Variants in RBPMS observed in about 807,000 individuals in gnomAD.
RBPMS encodes RNA-binding protein with multiple splicing.
Under a neutral mutation model 26.8 loss-of-function variants are expected in RBPMS, and 7 were observed. That is an observed-to-expected ratio of 0.26 (90% CI 0.15 to 0.49). RBPMS has a LOEUF of 0.49. Among genes scored for constraint, RBPMS ranks in the 20% least tolerant of loss-of-function variants. RBPMS has a pLI of 0.98. For missense variants in RBPMS, 186 were observed against 250.0 expected (o/e 0.74, Z 1.73); for synonymous variants, 96 against 93.3 (o/e 1.03, Z -0.17).
intron 8 of RBPMS, among the ~76,000 whole-genome samples, chr8:30,569,780 G>A (rs1302906947): frequency 2.0e-5 from 3 of 152,224 alleles, no homozygotes; most frequent in Non-Finnish European, 4.4e-5. Flanking sequence ...GGACAGGCCA[G>A]GGGTGCACAG....
At chr8:30,513,235 A>C (rs761916586) in intron 5 of RBPMS, among the ~76,000 whole-genome samples, 1 of 152,144 alleles carries the variant, frequency 6.6e-6, no homozygotes, top group Non-Finnish European at 1.5e-5. Context: ...GTGGCATCAG[A>C]GCCACAGCAC....
intron 6 of RBPMS, chr8:30,549,560 G>A: frequency 3.1e-6 from 5 of 1,614,100 alleles, no homozygotes; most frequent in Non-Finnish European, 4.2e-6. Flanking sequence ...TCCTGATAGT[G>A]CCAGCCTGGC....
At chr8:30,426,135 G>A (rs1468042076) in intron 1 of RBPMS, among the ~76,000 whole-genome samples, 1 of 152,318 alleles carries the variant, frequency 6.6e-6, no homozygotes, top group African/African-American at 2.4e-5. Flanking sequence ...GCTGAAAGAT[G>A]TGAGGATTTT....
At chr8:30,432,432 A>G (rs1272084911) in intron 1 of RBPMS, among the ~76,000 whole-genome samples, 1 of 152,170 alleles carries the variant, frequency 6.6e-6, no homozygotes, top group East Asian at 1.9e-4. Flanking sequence ...ATGACCATAG[A>G]GGTGCCCATG....
chr8:30,542,469 C>A (rs1825484002), intron 5 of RBPMS, among the ~76,000 whole-genome samples: 1 of 152,148 alleles, frequency 6.6e-6, no homozygotes, highest in Admixed American at 6.5e-5. Context: ...CTCTACCCAC[C>A]CCACCCCAGT....
chr8:30,552,169 G>A (rs189646364), intron 6 of RBPMS, among the ~76,000 whole-genome samples: 146 of 152,262 alleles, frequency 9.6e-4, no homozygotes, highest in Non-Finnish European at 1.2e-3. Context: ...GGCGTATACC[G>A]AGAGGAGGCC....
At chr8:30,411,186 C>T (rs556862929) in intron 1 of RBPMS, among the ~76,000 whole-genome samples, 1 of 152,276 alleles carries the variant, frequency 6.6e-6, no homozygotes, top group East Asian at 1.9e-4. Flanking sequence ...TAGAAACAAA[C>T]TTGGGAAAAG....
chr8:30,464,282 C>T (rs754836745), intron 1 of RBPMS, among the ~76,000 whole-genome samples: 1 of 152,250 alleles, frequency 6.6e-6, no homozygotes, highest in Non-Finnish European at 1.5e-5. Flanking sequence ...CTGATCACCT[C>T]CTGCCAAGTA....
chr8:30,513,652 T>A (rs577598154), intron 5 of RBPMS, among the ~76,000 whole-genome samples: 1 of 151,206 alleles, frequency 6.6e-6, no homozygotes, highest in Admixed American at 6.6e-5. Context: ...CACATATTTC[T>A]ATTGTAATGC....
intron 6 of RBPMS, chr8:30,555,845 G>A: frequency 2.0e-6 from 2 of 982,916 alleles, no homozygotes; most frequent in Non-Finnish European, 2.4e-6. Context: ...AGCCCGAATG[G>A]GGCTAAGAGA....
chr8:30,570,738 G>GT lies in RBPMS; in HGVS notation c.*217dup, dbSNP rs1441078226. The GT allele has an allele frequency of 1.3e-5, 2 of 152,500 alleles. No individual in the cohort carries two copies. The highest frequency in any genetic ancestry group is 4.8e-5 in the African/African-American group (2 of 41,394). The allele number at this position is 152,500 out of a possible 1,614,324, so 9.4% of individuals were successfully genotyped here. ...AGAAAAAAATATAATTAATAAAAATGTTTTACTCTTTTACACTGTATAATT... is the reference window on the plus strand; with the variant it reads ...AGAAAAAAATATAATTAATAAAAATGTTTTTACTCTTTTACACTGTATAATT... On this transcript the variant is annotated 3_prime_UTR_variant, in exon 9 of 9. Transcript: ENST00000397323.
At chr8:30,486,492 G>A (rs1160775286) in intron 4 of RBPMS, among the ~76,000 whole-genome samples, 1 of 151,792 alleles carries the variant, frequency 6.6e-6, no homozygotes, top group Non-Finnish European at 1.5e-5. Context: ...AATTAGCTGG[G>A]CATGGTGGCG....
chr8:30,485,423 G>A (rs1818675885), intron 4 of RBPMS, among the ~76,000 whole-genome samples: 2 of 152,152 alleles, frequency 1.3e-5, no homozygotes, highest in Admixed American at 1.3e-4. Context: ...GGCCCAATTA[G>A]TGAGATCCCA....
intron 1 of RBPMS, 62 bp downstream of exon 1, chr8:30,385,220 G>C (rs1806874371): frequency 8.0e-7 from 1 of 1,251,300 alleles, no homozygotes; most frequent in Non-Finnish European, 1.0e-6. Context: ...CGGCCGGCGG[G>C]GCGCGGGCCC....
intron 5 of RBPMS, among the ~76,000 whole-genome samples, chr8:30,514,680 C>CTTTTTTTCTTTTTTTTTTTT (rs1822106387): frequency 1.2e-5 from 1 of 82,650 alleles, no homozygotes; most frequent in South Asian, 5.2e-4. Context: ...CCATGCCGGG[C>CTTTTTTTCTTTTTTTTTTTT]TTTTTTTTTT....
intron 1 of RBPMS, among the ~76,000 whole-genome samples, chr8:30,447,412 T>C (rs546127336): frequency 2.0e-5 from 3 of 152,204 alleles, no homozygotes; most frequent in Non-Finnish European, 4.4e-5. Context: ...GCGGTTAGAA[T>C]AGTAAAGTGT....
At chr8:30,431,249 T>C (rs1811891544) in intron 1 of RBPMS, among the ~76,000 whole-genome samples, 2 of 152,150 alleles carry the variant, frequency 1.3e-5, no homozygotes, top group Non-Finnish European at 2.9e-5. Context: ...AGGGGACAAC[T>C]CAAATTTCAT....
intron 1 of RBPMS, among the ~76,000 whole-genome samples, chr8:30,434,134 AAAAAT>A (rs149426652): frequency 0.032 from 4,896 of 152,040 alleles, 257 homozygotes; most frequent in African/African-American, 0.11. Context: ...ATAAAAAATA[AAAAAT>A]AAAATAAAAA....
At chr8:30,492,100 C>G (rs1183135152) in intron 4 of RBPMS, among the ~76,000 whole-genome samples, 1 of 152,194 alleles carries the variant, frequency 6.6e-6, no homozygotes, top group African/African-American at 2.4e-5. Context: ...CCATGGTTGT[C>G]AGGCTGGTCT....
Sources: allele counts gnomAD v4.1 joint callset (sites outside exome capture counted in the v4.1 genomes callset), GRCh38; gene constraint gnomAD v4.1.1; transcripts MANE v1.5; gene names NCBI Gene and HGNC (gene_info 2026-07-23, HGNC 2026-07-21).